The following LIN7C variants were observed in gnomAD, a reference collection of about 807,000 sequenced individuals.
LIN7C encodes the protein lin-7 cell polarity scaffold C, also known as protein lin-7 homolog C.
A neutral mutation model predicts 24.7 loss-of-function variants in LIN7C; 17 were observed. The ratio of observed to expected loss-of-function variants is 0.69; its 90% CI spans 0.47 to 1.03. The LOEUF is 1.03. Among genes scored for constraint, LIN7C ranks in the 50% least tolerant of loss-of-function variants. The pLI, the probability that LIN7C is intolerant of heterozygous loss-of-function variation, is 0.00. For missense variants in LIN7C, 204 were observed against 239.0 expected, an observed-to-expected ratio of 0.85 and a Z score of 0.97; for synonymous variants, 90 against 83.4, an observed-to-expected ratio of 1.08 and a Z score of -0.43.
At chr11:27,502,796 G>C (rs1374275940) in intron 1 of LIN7C, among the ~76,000 whole-genome samples, 1 of 152,170 alleles carries the variant, frequency 6.6e-6, no homozygotes, top group Non-Finnish European at 1.5e-5. Context: ...AAAGTGTTAT[G>C]TTACATTGGT....
At chr11:27,502,914 C>A (rs1865239455) in intron 1 of LIN7C, among the ~76,000 whole-genome samples, 1 of 151,962 alleles carries the variant, frequency 6.6e-6, no homozygotes, top group African/African-American at 2.4e-5. Flanking sequence ...GAGTTCAAGA[C>A]CAGCCTGGCC....
intron 1 of LIN7C, among the ~76,000 whole-genome samples, chr11:27,506,222 A>C (rs150801548): frequency 2.9e-4 from 44 of 152,382 alleles, no homozygotes; most frequent in Non-Finnish European, 5.4e-4. Context: ...AAAAGCTAGC[A>C]AATACCCCAA....
chr11:27,500,418 T>C (rs1161894938), intron 3 of LIN7C, among the ~76,000 whole-genome samples: 1 of 152,198 alleles, frequency 6.6e-6, no homozygotes, highest in Non-Finnish European at 1.5e-5. Flanking sequence ...GAGAGGTACA[T>C]ATAGCCAATC....
At chr11:27,500,384 G>T (rs900492391) in intron 3 of LIN7C, among the ~76,000 whole-genome samples, 2 of 152,078 alleles carry the variant, frequency 1.3e-5, no homozygotes, top group East Asian at 1.9e-4. Context: ...AAGATGTCAA[G>T]AAATAACTCA....
In LIN7C at chr11:27,499,271, C is replaced by G. The variant is rs1865198037; in HGVS notation, c.438+88G>C. ...ATTCCCTCAAGGCATTTCTAAACCA[C>G]AAGTTTCTTAGGTTTCTCCTATTAC... On this transcript the variant is annotated intron_variant, in intron 4 of 4. Transcript: ENST00000278193. The G allele has an allele frequency of 5.5e-6, 6 of 1,081,706 alleles. No individual in the cohort carries two copies. The Admixed American group carries it at 1.2e-4, about 22-fold the overall frequency. 67.0% of individuals were successfully genotyped at this position (1,081,706 alleles called of 1,614,324 possible). A position where few individuals can be genotyped will look rare whatever the true frequency, so the allele number is the denominator to read the frequency against.
intron 1 of LIN7C, 22 bp downstream of exon 1, chr11:27,506,693 CG>C (rs759050088): frequency 1.9e-6 from 3 of 1,613,580 alleles, no homozygotes; most frequent in Non-Finnish European, 2.5e-6. Context: ...CGCCCACCTC[CG>C]CCGAGCCTCG....
In LIN7C at chr11:27,501,510, C is replaced by G. The variant is rs181529416; in HGVS notation, c.213G>C (p.Ala71=). 3.8e-6 allele frequency: 6 copies of G among 1,588,610 alleles called. No individual in the cohort carries two copies. In the Middle Eastern group the frequency reaches 6.6e-4, roughly 176 times the overall value. The change falls in exon 3 of 5, where the codon GCG becomes GCC. Residue 71 remains alanine (A), a synonymous_variant. Transcript: ENST00000278193. The part of the protein sequence containing the change: ...VDISSSPEVR[A]NATAKATVAA... ...AAAAATTTACCTTTGCAGTAGCGTT[C>G]GCTCTCACTTCAGGACTGCTACTGA...
intron 1 of LIN7C, 71 bp downstream of exon 1, chr11:27,506,645 T>A: frequency 6.4e-7 from 1 of 1,552,180 alleles, no homozygotes; most frequent in Non-Finnish European, 8.9e-7. Context: ...GGGTCACTCC[T>A]CCTCCCCTCC....
rs930409027 is a variant in LIN7C, at chr11:27,496,312, G to A, written c.*2337C>T. ...CAAGAAAATAAATGGAAATGGGGGT[G>A]ATAATTTATATTTGTAATTTACAAA... On this transcript the variant is annotated 3_prime_UTR_variant, in exon 5 of 5. Transcript: ENST00000278193. 2.0e-5 allele frequency: 3 copies of A among 152,144 alleles called. No individual in the cohort carries two copies. The highest frequency in any genetic ancestry group is 4.4e-5 in the Non-Finnish European group (3 of 68,028). 9.4% of individuals were successfully genotyped at this position (152,144 alleles called of 1,614,324 possible).
intron 1 of LIN7C, among the ~76,000 whole-genome samples, chr11:27,505,135 C>T (rs1254712062): frequency 6.6e-6 from 1 of 152,114 alleles, no homozygotes; most frequent in African/African-American, 2.4e-5. Context: ...GAGTTCGAGA[C>T]CAGCCTGGGC....
intron 3 of LIN7C, among the ~76,000 whole-genome samples, chr11:27,500,590 A>AT (rs1042079413): frequency 4.6e-5 from 7 of 152,122 alleles, no homozygotes; most frequent in African/African-American, 9.7e-5. Context: ...ATCTAGTACC[A>AT]TTTTTTTGTG....
chr11:27,506,126 A>G (rs1433614055), intron 1 of LIN7C, among the ~76,000 whole-genome samples: 1 of 152,262 alleles, frequency 6.6e-6, no homozygotes, highest in Non-Finnish European at 1.5e-5. Flanking sequence ...ATCTACCACT[A>G]TTCGGCTTAC....
At chr11:27,506,570 G>C in intron 1 of LIN7C, 146 bp downstream of exon 1, 1 of 831,354 alleles carries the variant, frequency 1.2e-6, no homozygotes. Context: ...CTAGAGCCAG[G>C]CACAGAGACA....
At chr11:27,502,868 T>A (rs957486581) in intron 1 of LIN7C, among the ~76,000 whole-genome samples, 7 of 152,190 alleles carry the variant, frequency 4.6e-5, no homozygotes, top group Non-Finnish European at 7.4e-5. Context: ...TCCCAGCACT[T>A]TGGGAGGCCG....
intron 3 of LIN7C, among the ~76,000 whole-genome samples, chr11:27,499,848 C>T (rs906297754): frequency 6.6e-6 from 1 of 152,100 alleles, no homozygotes; most frequent in African/African-American, 2.4e-5. Flanking sequence ...AGGATGGTCT[C>T]GATCTCCTGA....
chr11:27,502,644 A>G lies in LIN7C; in HGVS notation c.38-724T>C, dbSNP rs564891477. On this transcript the variant is annotated intron_variant, in intron 1 of 4. Coordinates refer to ENST00000278193, the MANE Select transcript of LIN7C (RefSeq NM_018362.4). The stretch of plus-strand genomic sequence containing the variant: ...AATACCACCTGTGTGACCTTGGGCA[A>G]GTTACATGATGTCCTTATGTCTCAG... Among the ~76,000 whole-genome samples the G allele has an allele frequency of 3.9e-5, 6 of 152,336 alleles. No homozygotes were observed. The South Asian group carries it at 1.2e-3, about 32-fold the overall frequency.
chr11:27,495,552 T>C lies in LIN7C; in HGVS notation c.*3097A>G, dbSNP rs1865157491. The C allele has an allele frequency of 6.6e-6, 1 of 151,876 alleles. No homozygotes were observed. 9.4% of individuals were successfully genotyped at this position (151,876 alleles called of 1,614,324 possible). A position where few individuals can be genotyped will look rare whatever the true frequency, so the allele number is the denominator to read the frequency against. The stretch of plus-strand genomic sequence containing the variant: ...GAACTAGGCTGCTATTATCTAGTAT[T>C]ATACTAACAAATGAAGTGCCCACAT... On this transcript the variant is annotated 3_prime_UTR_variant, in exon 5 of 5. Coordinates refer to ENST00000278193, the MANE Select transcript of LIN7C (RefSeq NM_018362.4).
chr11:27,505,546 A>G, intron 1 of LIN7C, among the ~76,000 whole-genome samples: 1 of 152,218 alleles, frequency 6.6e-6, no homozygotes, highest in Non-Finnish European at 1.5e-5. Flanking sequence ...TAATAGGCTT[A>G]ACGGAAACAA....
rs541754444 is a variant in LIN7C at position 27,497,625 on chromosome 11, C to T, written c.*1024G>A. 1.3e-5 allele frequency: 2 copies of T among 152,344 alleles called. No individual in the cohort carries two copies. The highest frequency in any genetic ancestry group is 1.5e-5 in the Non-Finnish European group (1 of 67,904). The allele number at this position is 152,344 out of a possible 1,614,324, so 9.4% of individuals were successfully genotyped here. A position where few individuals can be genotyped will look rare whatever the true frequency, so the allele number is the denominator to read the frequency against. ...TAATTTCTATGTATCTTAAATATAT[C>T]CTCTTTTCTTCCTATTTAAAATCAA... On this transcript the variant is annotated 3_prime_UTR_variant, in exon 5 of 5. Coordinates refer to ENST00000278193, the MANE Select transcript of LIN7C (RefSeq NM_018362.4).
Sources: allele counts gnomAD v4.1 joint callset (sites outside exome capture counted in the v4.1 genomes callset), GRCh38; gene constraint gnomAD v4.1.1; transcripts MANE v1.5; gene names NCBI Gene and HGNC (gene_info 2026-07-23, HGNC 2026-07-21).